The following DPP6 variants were observed in gnomAD, a reference collection of about 807,000 sequenced individuals.
DPP6 encodes the protein A-type potassium channel modulatory protein DPP6.
DPP6 carries 69 observed loss-of-function variants against 122.6 expected under a neutral mutation model. The ratio of observed to expected loss-of-function variants is 0.56; its 90% CI spans 0.46 to 0.69. The LOEUF (loss-of-function observed/expected upper bound fraction) is 0.69, where lower values mean the gene tolerates loss of function less well. Ranked by LOEUF, DPP6 falls within the 30% of genes least tolerant of loss-of-function variation. The pLI, the probability that DPP6 is intolerant of heterozygous loss-of-function variation, is 0.00. For missense variants in DPP6, 928 were observed against 1,116.9 expected (o/e 0.83, Z 2.41); for synonymous variants, 418 against 433.1 (o/e 0.97, Z 0.43).
chr7:153,969,913 C>G (rs116722056), intron 1 of DPP6, among the ~76,000 whole-genome samples: 1 of 151,828 alleles, frequency 6.6e-6, no homozygotes, highest in Non-Finnish European at 1.5e-5. Flanking sequence ...TCTAGAATTT[C>G]ATATAAATGG....
chr7:154,887,158 A>C (rs1018623286), intron 22 of DPP6, among the ~76,000 whole-genome samples: 1 of 152,018 alleles, frequency 6.6e-6, no homozygotes, highest in African/African-American at 2.4e-5. Flanking sequence ...CCTCAGGCTT[A>C]CCCTGCAGGC....
intron 6 of DPP6, among the ~76,000 whole-genome samples, chr7:154,649,352 C>G (rs1423712146): frequency 6.6e-6 from 1 of 152,200 alleles, no homozygotes; most frequent in Non-Finnish European, 1.5e-5. Context: ...CATTTGCACA[C>G]AGATTTTCAT....
At chr7:153,807,054 T>C in the DPP6 span, among the ~76,000 whole-genome samples, 1 of 151,886 alleles carries the variant, frequency 6.6e-6, no homozygotes, top group Non-Finnish European at 1.5e-5. Context: ...GTAAGTAAAC[T>C]TCAATAAATT....
chr7:154,034,438 G>A (rs1799416383), intron 1 of DPP6, among the ~76,000 whole-genome samples: 1 of 152,054 alleles, frequency 6.6e-6, no homozygotes, highest in South Asian at 2.1e-4. Context: ...TCCCCCCTCT[G>A]CACACCTCAC....
At chr7:153,996,872 A>G (rs1797462604) in intron 1 of DPP6, among the ~76,000 whole-genome samples, 1 of 152,226 alleles carries the variant, frequency 6.6e-6, no homozygotes, top group Non-Finnish European at 1.5e-5. Flanking sequence ...AAGGAAACCA[A>G]TCATGTCTAT....
At chr7:154,499,812 G>A (rs559595521) in intron 3 of DPP6, among the ~76,000 whole-genome samples, 1 of 152,086 alleles carries the variant, frequency 6.6e-6, no homozygotes, top group African/African-American at 2.4e-5. Flanking sequence ...TGTGTGTGGG[G>A]GTCCTAAAGA....
chr7:154,379,828 C>G (rs1356054582), intron 1 of DPP6, among the ~76,000 whole-genome samples: 1 of 152,126 alleles, frequency 6.6e-6, no homozygotes, highest in African/African-American at 2.4e-5. Flanking sequence ...AATAGCCAAA[C>G]TAAGCATTGC....
At chr7:154,124,085 C>A (rs1807706626) in intron 1 of DPP6, among the ~76,000 whole-genome samples, 1 of 151,830 alleles carries the variant, frequency 6.6e-6, no homozygotes. Context: ...CTATGATTAC[C>A]TGGGGACAGA....
chr7:153,872,939 T>C, the DPP6 span, among the ~76,000 whole-genome samples: 1 of 152,248 alleles, frequency 6.6e-6, no homozygotes, highest in Non-Finnish European at 1.5e-5. Context: ...TGGCTGTCTT[T>C]AGTCCATTTT....
intron 1 of DPP6, among the ~76,000 whole-genome samples, chr7:154,011,199 G>A (rs1798139439): frequency 6.6e-6 from 1 of 152,208 alleles, no homozygotes; most frequent in South Asian, 2.1e-4. Context: ...TGTTCCTGAA[G>A]GCTTGCATAT....
At chr7:154,575,702 TTGTG>T (rs1167887362) in intron 5 of DPP6, among the ~76,000 whole-genome samples, 3 of 132,174 alleles carry the variant, frequency 2.3e-5, no homozygotes, top group Non-Finnish European at 3.2e-5. Flanking sequence ...TATGTGGTGT[TTGTG>T]TATGTGGTGT....
chr7:153,895,508 T>C (rs536027765), intron 1 of DPP6, among the ~76,000 whole-genome samples: 12 of 152,360 alleles, frequency 7.9e-5, no homozygotes, highest in African/African-American at 2.9e-4. Context: ...AATATTTTGT[T>C]GGCATCATGA....
At chr7:154,109,630 T>C (rs537833376) in intron 1 of DPP6, among the ~76,000 whole-genome samples, 86 of 152,368 alleles carry the variant, frequency 5.6e-4, no homozygotes, top group African/African-American at 1.8e-3. Context: ...ATAATAGTTT[T>C]TTTAAAAAGC....
At chr7:153,966,568 T>G (rs1585104502) in intron 1 of DPP6, among the ~76,000 whole-genome samples, 1 of 7,918 alleles carries the variant, frequency 1.3e-4, no homozygotes. Context: ...TTTTTTTTTT[T>G]TTTTTTTTTT....
At chr7:154,583,930 G>A (rs1586681018) in intron 5 of DPP6, among the ~76,000 whole-genome samples, 2 of 152,122 alleles carry the variant, frequency 1.3e-5, no homozygotes, top group South Asian at 4.1e-4. Flanking sequence ...TCCTTACCAG[G>A]ACCCTGGCTA....
At chr7:154,054,927 C>G (rs1415849167) in intron 1 of DPP6, among the ~76,000 whole-genome samples, 3 of 151,562 alleles carry the variant, frequency 2.0e-5, no homozygotes, top group African/African-American at 7.3e-5. Context: ...TTAAAAAAAT[C>G]TTAACTTGGA....
At chr7:154,849,214 A>C (rs1397646513) in intron 16 of DPP6, among the ~76,000 whole-genome samples, 1 of 152,214 alleles carries the variant, frequency 6.6e-6, no homozygotes, top group Non-Finnish European at 1.5e-5. Context: ...GTTTCTATGA[A>C]GAATGACTGA....
chr7:153,971,242 A>G (rs1036609792), intron 1 of DPP6, among the ~76,000 whole-genome samples: 2 of 152,102 alleles, frequency 1.3e-5, no homozygotes, highest in Admixed American at 6.6e-5. Flanking sequence ...AATTGTTAGT[A>G]TACAGAAATA....
chr7:153,762,653 G>T, the DPP6 span, among the ~76,000 whole-genome samples: 1 of 152,064 alleles, frequency 6.6e-6, no homozygotes, highest in African/African-American at 2.4e-5. Context: ...GGTGGTGCAT[G>T]CCTGTAATCC....
Sources: allele counts gnomAD v4.1 joint callset (sites outside exome capture counted in the v4.1 genomes callset), GRCh38; gene constraint gnomAD v4.1.1; transcripts MANE v1.5; gene names NCBI Gene and HGNC (gene_info 2026-07-23, HGNC 2026-07-21).